The following COL21A1 variants were observed in gnomAD, a reference collection of about 807,000 sequenced individuals.
COL21A1 encodes the protein collagen type XXI alpha 1 chain.
Under a neutral mutation model 137.9 loss-of-function variants are expected in COL21A1, and 149 were observed. That is an observed-to-expected ratio of 1.08 (90% CI 0.95 to 1.24). COL21A1 has a LOEUF of 1.24. Ranked by LOEUF, COL21A1 falls within the 50% of genes most tolerant of loss-of-function variation. COL21A1 has a pLI of 0.00. For missense variants in COL21A1, 1,167 were observed against 1,158.4 expected (o/e 1.01, Z -0.11); for synonymous variants, 456 against 391.5 (o/e 1.16, Z -1.95).
chr6:56,302,897 A>T (rs1340731151), intron 1 of COL21A1, among the ~76,000 whole-genome samples: 1 of 152,132 alleles, frequency 6.6e-6, no homozygotes, highest in Admixed American at 6.6e-5. Flanking sequence ...ATCTTGAATT[A>T]ATTTTTGCAT....
chr6:56,129,720 GAGAC>G (rs1442490468), intron 12 of COL21A1, among the ~76,000 whole-genome samples: 2 of 148,380 alleles, frequency 1.3e-5, no homozygotes, highest in Admixed American at 1.3e-4. Context: ...GAGAGAGAGA[GAGAC>G]AGACAGACAG....
chr6:56,085,908 AAT>A (rs1768200474), intron 17 of COL21A1, among the ~76,000 whole-genome samples: 1 of 148,890 alleles, frequency 6.7e-6, no homozygotes, highest in Non-Finnish European at 1.5e-5. Context: ...TTTATATATA[AAT>A]ATATTTATAT....
At chr6:56,081,666 C>T (rs1767779825) in intron 17 of COL21A1, among the ~76,000 whole-genome samples, 1 of 151,668 alleles carries the variant, frequency 6.6e-6, no homozygotes, top group Non-Finnish European at 1.5e-5. Flanking sequence ...TAAAAGAAAC[C>T]AATATACAAG....
intron 10 of COL21A1, among the ~76,000 whole-genome samples, chr6:56,143,178 G>A (rs1331373023): frequency 6.7e-6 from 1 of 150,132 alleles, no homozygotes; most frequent in Non-Finnish European, 1.5e-5. Flanking sequence ...TAGAATGAAT[G>A]ACAATGACTA....
At chr6:56,139,412 G>A (rs1444059812) in intron 12 of COL21A1, among the ~76,000 whole-genome samples, 6 of 152,028 alleles carry the variant, frequency 3.9e-5, no homozygotes, top group Non-Finnish European at 8.8e-5. Flanking sequence ...TCTAAATTCA[G>A]AACTAAGCCT....
chr6:56,314,083 C>G (rs1170429294), intron 1 of COL21A1, among the ~76,000 whole-genome samples: 2 of 152,164 alleles, frequency 1.3e-5, no homozygotes, highest in African/African-American at 4.8e-5. Flanking sequence ...CTCCTGGGTT[C>G]AAGTGATTCC....
intron 1 of COL21A1, among the ~76,000 whole-genome samples, chr6:56,357,180 T>G (rs1294740854): frequency 6.6e-6 from 1 of 152,178 alleles, no homozygotes; most frequent in Non-Finnish European, 1.5e-5. Context: ...GTGCTATAGT[T>G]TCACTGAATA....
chr6:56,360,892 G>C (rs1458875105), intron 1 of COL21A1, among the ~76,000 whole-genome samples: 1 of 152,112 alleles, frequency 6.6e-6, no homozygotes, highest in Non-Finnish European at 1.5e-5. Context: ...CTGAAGTCAG[G>C]AGTTCAAGAC....
intron 17 of COL21A1, among the ~76,000 whole-genome samples, chr6:56,099,959 G>A (rs185379428): frequency 6.6e-6 from 1 of 152,028 alleles, no homozygotes; most frequent in Non-Finnish European, 1.5e-5. Context: ...CACACACCAG[G>A]AGCTCATACA....
At chr6:56,074,109 T>C in intron 20 of COL21A1, 123 bp downstream of exon 20, 1 of 618,216 alleles carries the variant, frequency 1.6e-6, no homozygotes, top group Non-Finnish European at 2.7e-6. Context: ...AAGTGATTTT[T>C]TTTCATAGAA....
At chr6:56,203,388 G>A (rs1242682323) in intron 1 of COL21A1, among the ~76,000 whole-genome samples, 1 of 152,190 alleles carries the variant, frequency 6.6e-6, no homozygotes, top group Admixed American at 6.5e-5. Context: ...GAATGGAAAT[G>A]AGCACTCTTT....
chr6:56,060,976 A>G lies in COL21A1; in HGVS notation c.2267T>C (p.Val756Ala), dbSNP rs1765748065. The G allele has an allele frequency of 6.8e-6, 11 of 1,606,974 alleles. No homozygotes were observed. The highest frequency in any genetic ancestry group is 9.3e-6 in the Non-Finnish European group (11 of 1,177,204). ...GAIGSKGESGVDGLMGPAGPK... is the reference protein window; with the variant it reads ...GAIGSKGESGADGLMGPAGPK... Reference sequence around the variant, plus strand: ...ACCTGCGGGCCCCATCAAGCCATCCACCCCAGATTCTCCTTTTGATCCAAT... The same window carrying G: ...ACCTGCGGGCCCCATCAAGCCATCCGCCCCAGATTCTCCTTTTGATCCAAT... Residue 756 changes from valine to alanine, a missense_variant, in exon 26 of 30, where the codon GTG (valine) becomes GCG (alanine). Physicochemically the swap from Val to Ala is moderately conservative, Grantham distance 64 (BLOSUM62 0). Transcript: ENST00000244728.
At chr6:56,076,605 A>T (rs1214731195) in intron 18 of COL21A1, among the ~76,000 whole-genome samples, 1 of 151,488 alleles carries the variant, frequency 6.6e-6, no homozygotes, top group Non-Finnish European at 1.5e-5. Context: ...ATTTTTAAAA[A>T]AAATCAATTG....
intron 1 of COL21A1, among the ~76,000 whole-genome samples, chr6:56,196,456 T>A (rs1561972979): frequency 2.6e-5 from 4 of 152,010 alleles, no homozygotes; most frequent in African/African-American, 9.7e-5. Context: ...CATAATCTTA[T>A]TACAGAAGAC....
chr6:56,307,058 G>T (rs1241015190), intron 1 of COL21A1, among the ~76,000 whole-genome samples: 1 of 152,206 alleles, frequency 6.6e-6, no homozygotes, highest in Admixed American at 6.5e-5. Flanking sequence ...AACAGCAAAT[G>T]TTGCTTCCTG....
At chr6:56,231,392 T>C (rs9396183) in intron 1 of COL21A1, among the ~76,000 whole-genome samples, 86,124 of 151,442 alleles carry the variant, frequency 0.57, 24,721 homozygotes, top group East Asian at 0.77. Flanking sequence ...TATTCAGTTC[T>C]TTCCTGGCGT....
chr6:56,238,961 A>G (rs1346782300), intron 1 of COL21A1, among the ~76,000 whole-genome samples: 3 of 152,166 alleles, frequency 2.0e-5, no homozygotes, highest in Non-Finnish European at 2.9e-5. Flanking sequence ...TGACCATACT[A>G]TGAAGTAGGT....
intron 1 of COL21A1, among the ~76,000 whole-genome samples, chr6:56,236,598 C>T (rs1472056932): frequency 1.3e-5 from 2 of 152,064 alleles, no homozygotes; most frequent in Non-Finnish European, 2.9e-5. Context: ...CCATCTCCTC[C>T]ATGAAGCAAA....
chr6:56,141,691 C>T, intron 12 of COL21A1, 94 bp downstream of exon 12: 2 of 1,348,964 alleles, frequency 1.5e-6, no homozygotes, highest in Non-Finnish European at 2.1e-6. Flanking sequence ...TTAGAATTCA[C>T]CAAGACGCAG....
Sources: gnomAD v4.1 joint callset for allele counts (sites outside exome capture counted in the v4.1 genomes callset) on GRCh38, gnomAD v4.1.1 for gene constraint, MANE v1.5 for transcripts, NCBI Gene and HGNC (gene_info 2026-07-23, HGNC 2026-07-21) for gene names.